The following SPRED2 variants were observed in gnomAD, a reference collection of about 807,000 sequenced individuals.
SPRED2 encodes sprouty-related, EVH1 domain-containing protein 2.
In SPRED2, 47 loss-of-function variants were observed where a neutral mutation model predicts 43.0. The observed-to-expected ratio is 1.09, with a 90% CI of 0.87 to 1.40. The LOEUF (loss-of-function observed/expected upper bound fraction) is 1.40, where lower values mean the gene tolerates loss of function less well. Among genes scored for constraint, SPRED2 ranks in the 40% most tolerant of loss-of-function variants. The probability of loss-of-function intolerance (pLI) is 0.00; values close to 1 mark genes in which losing one functional copy is unlikely to be tolerated. For missense variants in SPRED2, 561 were observed against 586.4 expected, an observed-to-expected ratio of 0.96 and a Z score of 0.45; for synonymous variants, 225 against 225.7, an observed-to-expected ratio of 1.00 and a Z score of 0.03.
intron 3 of SPRED2, 116 bp from the exon 4 acceptor site, chr2:65,332,167 C>T (rs1673832723): frequency 6.9e-6 from 4 of 576,122 alleles, no homozygotes; most frequent in Middle Eastern, 5.0e-4. Context: ...TGTGAATTAC[C>T]AACAGAAACA....
At chr2:65,415,119 C>T (rs1379736145) in intron 1 of SPRED2, among the ~76,000 whole-genome samples, 1 of 152,214 alleles carries the variant, frequency 6.6e-6, no homozygotes, top group East Asian at 1.9e-4. Context: ...CTAAAATATA[C>T]ATAACATAAA....
At chr2:65,379,454 T>G (rs1447547340) in intron 1 of SPRED2, among the ~76,000 whole-genome samples, 2 of 152,150 alleles carry the variant, frequency 1.3e-5, no homozygotes, top group East Asian at 1.9e-4. Flanking sequence ...GCCATTTTCC[T>G]GTGGCAGGTG....
At chr2:65,398,019 T>C (rs940384935) in intron 1 of SPRED2, among the ~76,000 whole-genome samples, 7 of 152,166 alleles carry the variant, frequency 4.6e-5, no homozygotes, top group Non-Finnish European at 1.0e-4. Flanking sequence ...CCAAACAGCA[T>C]GGTAGTGGTA....
intron 1 of SPRED2, among the ~76,000 whole-genome samples, chr2:65,419,601 G>C (rs1298532481): frequency 6.6e-6 from 1 of 151,870 alleles, no homozygotes; most frequent in Non-Finnish European, 1.5e-5. Context: ...GTGTGTGTGT[G>C]TGTGTGTGTG....
chr2:65,370,791 C>T lies in SPRED2; in HGVS notation c.27-25895G>A, dbSNP rs184398207. Among the ~76,000 whole-genome samples the T allele has an allele frequency of 2.7e-3, 415 of 152,268 alleles. 2 individuals are homozygous for T. The highest frequency in any genetic ancestry group is 9.1e-3 in the African/African-American group (379 of 41,552). Reference sequence around the variant, plus strand: ...GTTGGTCTTTCCATCTCCCCTCTTTCCTGACCAGCCCATTCAGAAAGGACC... The same window carrying T: ...GTTGGTCTTTCCATCTCCCCTCTTTTCTGACCAGCCCATTCAGAAAGGACC... On this transcript the variant is annotated intron_variant, in intron 1 of 5. Transcript: ENST00000356388.
intron 3 of SPRED2, chr2:65,332,340 G>A (rs1358995689): frequency 1.1e-5 from 3 of 273,000 alleles, no homozygotes; most frequent in African/African-American, 6.8e-5. Context: ...TGGAGGAGGT[G>A]AGGGGAGAGG....
downstream of SPRED2, among the ~76,000 whole-genome samples, chr2:65,308,928 G>A (rs1326496887): frequency 6.6e-6 from 1 of 152,138 alleles, no homozygotes; most frequent in Non-Finnish European, 1.5e-5. Flanking sequence ...CAAGGTGGGT[G>A]GATCAGCTGA....
intron 1 of SPRED2, among the ~76,000 whole-genome samples, chr2:65,397,474 C>A (rs1346653893): frequency 5.3e-5 from 8 of 152,190 alleles, no homozygotes; most frequent in African/African-American, 1.9e-4. Flanking sequence ...CAATTCCTTT[C>A]TCTTCTGTCA....
chr2:65,344,931 C>A (rs1350590191), intron 1 of SPRED2, 35 bp from the exon 2 acceptor site: 5 of 1,594,176 alleles, frequency 3.1e-6, no homozygotes, highest in Non-Finnish European at 4.3e-6. Context: ...CAGGGCATGA[C>A]AATGGTCTGG....
chr2:65,368,414 T>C (rs1675039085), intron 1 of SPRED2, among the ~76,000 whole-genome samples: 1 of 152,206 alleles, frequency 6.6e-6, no homozygotes, highest in Non-Finnish European at 1.5e-5. Context: ...ATTTTATAAC[T>C]TTTCACACAC....
At chr2:65,404,484 T>G (rs1362229948) in intron 1 of SPRED2, among the ~76,000 whole-genome samples, 1 of 152,236 alleles carries the variant, frequency 6.6e-6, no homozygotes, top group Non-Finnish European at 1.5e-5. Flanking sequence ...GTCTCAGTAA[T>G]GAGTTTCTCA....
intron 1 of SPRED2, chr2:65,377,944 T>C (rs1675283550): frequency 1.0e-5 from 3 of 297,570 alleles, no homozygotes; most frequent in Non-Finnish European, 2.0e-5. Context: ...AAAGGGAACA[T>C]GCCTTCAGGC....
At chr2:65,309,157 A>C (rs1456074189), downstream of SPRED2, among the ~76,000 whole-genome samples, 1 of 14,008 alleles carries the variant, frequency 7.1e-5, no homozygotes, top group Non-Finnish European at 1.4e-4. Flanking sequence ...ACTCAGTCTC[A>C]AAAAAAAAAA....
rs180721738 is a variant in SPRED2 at position 65,326,461 on chromosome 2, T to C, written c.438+5526A>G. Among the ~76,000 whole-genome samples the C allele has an allele frequency of 2.1e-3, 324 of 152,302 alleles. 1 individual carries two copies. Among genetic ancestry groups the C allele is most frequent in the Non-Finnish European group, 3.5e-3 (240 of 68,016 alleles). The stretch of plus-strand genomic sequence containing the variant: ...TGAGGGCCTACGTTGGTTCCAGGTG[T>C]CCTCTTTCAAAGAGACAGCAGATCA... On this transcript the variant is annotated intron_variant, in intron 4 of 5. Coordinates refer to ENST00000356388, the MANE Select transcript of SPRED2 (RefSeq NM_181784.3).
chr2:65,341,217 A>G (rs182188470), intron 2 of SPRED2, among the ~76,000 whole-genome samples: 1 of 152,124 alleles, frequency 6.6e-6, no homozygotes, highest in Non-Finnish European at 1.5e-5. Context: ...GGAGTGTGAA[A>G]CAGGCAAGGT....
intron 4 of SPRED2, among the ~76,000 whole-genome samples, chr2:65,317,974 G>A (rs1484873847): frequency 6.6e-6 from 1 of 152,128 alleles, no homozygotes; most frequent in South Asian, 2.1e-4. Flanking sequence ...AGATCCCACA[G>A]GCACCCAGTA....
chr2:65,312,199 C>A lies in SPRED2; in HGVS notation c.*1302G>T, dbSNP rs1285287736. ...CAAGGCGACAGGCAGAACCAGTTGG[C>A]TGACCTAACCACCTGTGCACCCAAA... is the stretch of plus-strand genomic sequence containing the variant. On this transcript the variant is annotated 3_prime_UTR_variant, in exon 6 of 6. Transcript: ENST00000356388. The A allele has an allele frequency of 3.0e-6, 3 of 985,596 alleles. No individual in the cohort carries two copies. Among genetic ancestry groups the A allele is most frequent in the Non-Finnish European group, 3.6e-6 (3 of 829,954 alleles). The allele number at this position is 985,596 out of a possible 1,614,324, so 61.1% of individuals were successfully genotyped here.
intron 1 of SPRED2, among the ~76,000 whole-genome samples, chr2:65,405,413 T>C (rs1007180722): frequency 1.3e-5 from 2 of 152,244 alleles, no homozygotes; most frequent in Non-Finnish European, 2.9e-5. Context: ...TCCTCGATTT[T>C]CCCTCTTGCT....
intron 1 of SPRED2, among the ~76,000 whole-genome samples, chr2:65,350,003 T>G (rs1487080673): frequency 1.3e-5 from 2 of 152,246 alleles, no homozygotes; most frequent in Admixed American, 1.3e-4. Context: ...GATGTCTGGA[T>G]AATCCAGCTG....
Sources: allele counts gnomAD v4.1 joint callset (sites outside exome capture counted in the v4.1 genomes callset), GRCh38; gene constraint gnomAD v4.1.1; transcripts MANE v1.5; gene names NCBI Gene and HGNC (gene_info 2026-07-23, HGNC 2026-07-21).